The following USH2A variants were observed in gnomAD, a reference collection of about 807,000 sequenced individuals.
USH2A encodes usherin.
Under a neutral mutation model 538.9 loss-of-function variants are expected in USH2A, and 443 were observed. The ratio of observed to expected loss-of-function variants is 0.82; its 90% CI spans 0.76 to 0.89. USH2A has a LOEUF of 0.89. USH2A is among the 40% of genes least tolerant of loss of function. USH2A has a pLI of 0.00. For synonymous variants in USH2A, 2,413 were observed against 2,273.5 expected (o/e 1.06, Z -1.75); for missense variants, 6,633 against 6,324.8 (o/e 1.05, Z -1.65).
intron 38 of USH2A, among the ~76,000 whole-genome samples, chr1:215,912,449 A>ATG (rs377530050): frequency 3.2e-4 from 43 of 134,322 alleles, no homozygotes; most frequent in Non-Finnish European, 3.4e-4. Context: ...GGTAGTAGGT[A>ATG]TGTGTATATA....
chr1:216,013,694 AC>A (rs60794034), intron 32 of USH2A, among the ~76,000 whole-genome samples: 22,531 of 150,754 alleles, frequency 0.15, 1,765 homozygotes, highest in Middle Eastern at 0.23. Context: ...CCAGAGAACA[AC>A]CCCCCTTTGA....
At chr1:215,887,952 T>C (rs967958164) in intron 41 of USH2A, among the ~76,000 whole-genome samples, 14 of 152,338 alleles carry the variant, frequency 9.2e-5, no homozygotes, top group South Asian at 4.1e-4. Flanking sequence ...TCATTCCCAA[T>C]AGAATGAGGT....
At chr1:216,395,578 C>G (rs758539712) in intron 3 of USH2A, among the ~76,000 whole-genome samples, 4 of 152,186 alleles carry the variant, frequency 2.6e-5, no homozygotes, top group Non-Finnish European at 5.9e-5. Context: ...TTATGCTCCT[C>G]AAAACAAAAA....
rs773547162 is a variant in USH2A at position 215,743,402 on chromosome 1, G to GTA, written c.11390-68_11390-67insTA. 3.6e-5 allele frequency: 16 copies of GTA among 446,074 alleles called. 1 individual carries two copies. The highest frequency in any genetic ancestry group is 1.5e-4 in the Admixed American group (3 of 19,416). The allele number at this position is 446,074 out of a possible 1,614,324, so 27.6% of individuals were successfully genotyped here. A position where few individuals can be genotyped will look rare whatever the true frequency, so the allele number is the denominator to read the frequency against. On this transcript the variant is annotated intron_variant, in intron 58 of 71. Transcript: ENST00000307340. ...TATATATATATGTGTGTGTGTGTGT[G>GTA]TGTGTGTGTGTGTGTATATATATAT... is the stretch of plus-strand genomic sequence containing the variant.
chr1:215,978,437 C>A (rs561121551), intron 35 of USH2A, among the ~76,000 whole-genome samples: 3 of 152,066 alleles, frequency 2.0e-5, no homozygotes, highest in African/African-American at 7.2e-5. Flanking sequence ...GGTGAACATG[C>A]TCTGGTTCTC....
intron 44 of USH2A, among the ~76,000 whole-genome samples, chr1:215,866,575 T>A (rs1664475860): frequency 6.6e-6 from 1 of 152,116 alleles, no homozygotes; most frequent in Admixed American, 6.5e-5. Context: ...GAGCGACGAG[T>A]TACAAGATAT....
At chr1:216,069,932 C>T (rs2102545812) in intron 30 of USH2A, among the ~76,000 whole-genome samples, 169 bp downstream of exon 30, 1 of 152,160 alleles carries the variant, frequency 6.6e-6, no homozygotes, top group South Asian at 2.1e-4. Flanking sequence ...TCCTTTTTAT[C>T]CTAGGTAGAT....
At chr1:215,995,690 G>A (rs867843503) in intron 34 of USH2A, among the ~76,000 whole-genome samples, 1 of 152,142 alleles carries the variant, frequency 6.6e-6, no homozygotes, top group Non-Finnish European at 1.5e-5. Context: ...GTCTTTGAAA[G>A]CCTGAGAGCC....
chr1:216,020,294 T>A (rs1301748307), intron 32 of USH2A, among the ~76,000 whole-genome samples: 1 of 152,196 alleles, frequency 6.6e-6, no homozygotes, highest in Non-Finnish European at 1.5e-5. Context: ...AAGTTATTAT[T>A]TAGATGTGAT....
intron 9 of USH2A, among the ~76,000 whole-genome samples, chr1:216,293,153 T>A (rs1159570672): frequency 6.6e-6 from 1 of 151,702 alleles, no homozygotes; most frequent in East Asian, 2.0e-4. Flanking sequence ...GCCTCCCAAG[T>A]AGCTGAGACT....
Position 216,260,825 on chromosome 1 carries a change from T to A in USH2A, c.1972-9727A>T, listed in dbSNP as rs540242518. Reference sequence around the variant, plus strand: ...TGAAAGGATTAAGTGAAAGTCTGTATACACTGCCTCTCCCCTTTACCACCA... The same window carrying A: ...TGAAAGGATTAAGTGAAAGTCTGTAAACACTGCCTCTCCCCTTTACCACCA... On this transcript the variant is annotated intron_variant, in intron 11 of 71. Coordinates refer to ENST00000307340, the MANE Select transcript of USH2A (RefSeq NM_206933.4). Among the ~76,000 whole-genome samples, 55 of 152,252 alleles carry A rather than the reference T, an allele frequency of 3.6e-4. 1 individual carries two copies. The highest frequency in any genetic ancestry group is 7.4e-4 in the Non-Finnish European group (50 of 68,012).
At chr1:216,128,658 A>C (rs1387815495) in intron 21 of USH2A, among the ~76,000 whole-genome samples, 1 of 152,192 alleles carries the variant, frequency 6.6e-6, no homozygotes, top group South Asian at 2.1e-4. Flanking sequence ...CCACACGTGA[A>C]ATTTTGACAA....
chr1:215,998,277 C>T (rs17025852), intron 34 of USH2A, among the ~76,000 whole-genome samples: 1,881 of 152,004 alleles, frequency 0.012, 35 homozygotes, highest in African/African-American at 0.044. Flanking sequence ...AGTATAAATT[C>T]CACAGTAATA....
intron 4 of USH2A, among the ~76,000 whole-genome samples, chr1:216,350,790 G>A (rs1383828896): frequency 6.6e-6 from 1 of 152,142 alleles, no homozygotes; most frequent in Non-Finnish European, 1.5e-5. Context: ...ACCATTCTGG[G>A]TTCTGGAGTA....
At chr1:216,324,742 T>C (rs972673524) in intron 6 of USH2A, among the ~76,000 whole-genome samples, 17 of 152,190 alleles carry the variant, frequency 1.1e-4, no homozygotes, top group African/African-American at 4.1e-4. Flanking sequence ...ATCTCAAACA[T>C]AAGGTCCTAC....
chr1:216,054,525 G>T (rs987901558), intron 30 of USH2A, among the ~76,000 whole-genome samples: 1 of 152,104 alleles, frequency 6.6e-6, no homozygotes, highest in Non-Finnish European at 1.5e-5. Flanking sequence ...ACTAAATGCA[G>T]ACAAGTATAA....
rs45500891 is a variant in USH2A, at chr1:216,365,049, C to T, written c.688G>A (p.Val230Met). 0.02 allele frequency: 32,157 copies of T among 1,613,260 alleles called. 361 individuals carry two copies. Among genetic ancestry groups the T allele is most frequent in the South Asian group, 0.022 (2,036 of 90,970 alleles). The change falls in exon 4 of 72, where the codon GTG becomes ATG. Residue 230 changes from valine (V) to methionine (M), a missense_variant. Transcript: ENST00000307340. Reference sequence around the variant, plus strand: ...TTGAAAGGTGTATGATCCTTCTCCACGCCATTGATAAAGAAGCTGATTTTT... The same window carrying T: ...TTGAAAGGTGTATGATCCTTCTCCATGCCATTGATAAAGAAGCTGATTTTT... The part of the protein sequence containing the change: ...QTKISFFING[V>M]EKDHTPFNAR...
At chr1:215,732,602 G>A (rs1660033594) in intron 60 of USH2A, among the ~76,000 whole-genome samples, 1 of 124,628 alleles carries the variant, frequency 8.0e-6, no homozygotes, top group South Asian at 2.8e-4. Context: ...AGTGCAGTGG[G>A]GCAATCTCGG....
intron 50 of USH2A, among the ~76,000 whole-genome samples, chr1:215,793,302 C>T (rs115261032): frequency 6.6e-6 from 1 of 151,782 alleles, no homozygotes; most frequent in Non-Finnish European, 1.5e-5. Context: ...TGGAATATGA[C>T]AAATCATTGT....
Sources: allele counts gnomAD v4.1 joint callset (sites outside exome capture counted in the v4.1 genomes callset), GRCh38; gene constraint gnomAD v4.1.1; transcripts MANE v1.5; gene names NCBI Gene and HGNC (gene_info 2026-07-23, HGNC 2026-07-21).